The following SH3GL2 variants were observed in gnomAD, a reference collection of about 807,000 sequenced individuals.
The protein encoded by SH3GL2 is SH3 domain containing GRB2 like 2, endophilin A1, also known as endophilin-A1.
SH3GL2 carries 24 observed loss-of-function variants against 46.0 expected under a neutral mutation model. The ratio of observed to expected loss-of-function variants is 0.52; its 90% confidence interval spans 0.38 to 0.73. SH3GL2 has a LOEUF of 0.73. Ranked by LOEUF, SH3GL2 falls within the 30% of genes least tolerant of loss-of-function variation. SH3GL2 has a pLI of 0.00. For missense variants in SH3GL2, 413 were observed against 424.2 expected (o/e 0.97, Z 0.23); for synonymous variants, 196 against 147.1 (o/e 1.33, Z -2.40).
At chr9:17,729,089 G>A (rs1489606764) in intron 1 of SH3GL2, among the ~76,000 whole-genome samples, 2 of 152,178 alleles carry the variant, frequency 1.3e-5, no homozygotes, top group African/African-American at 2.4e-5. Context: ...AACTAACAGT[G>A]TAAAAGTGTT....
intron 1 of SH3GL2, among the ~76,000 whole-genome samples, chr9:17,653,087 C>T (rs1180440316): frequency 2.0e-5 from 3 of 152,242 alleles, no homozygotes; most frequent in South Asian, 2.1e-4. Context: ...TCATGGTTTT[C>T]TCAAAAATCC....
At chr9:17,794,098 A>G (rs1290742489) in intron 8 of SH3GL2, among the ~76,000 whole-genome samples, 1 of 152,222 alleles carries the variant, frequency 6.6e-6, no homozygotes, top group African/African-American at 2.4e-5. Context: ...TGGGGTTGAT[A>G]TAATAAAAGC....
chr9:17,666,026 C>A (rs1437614367), intron 1 of SH3GL2, among the ~76,000 whole-genome samples: 2 of 151,078 alleles, frequency 1.3e-5, no homozygotes, highest in Admixed American at 6.6e-5. Context: ...CTTTATTATT[C>A]TTAATATACC....
chr9:17,706,659 G>A (rs1464837930), intron 1 of SH3GL2, among the ~76,000 whole-genome samples: 2 of 151,946 alleles, frequency 1.3e-5, no homozygotes, highest in East Asian at 1.9e-4. Flanking sequence ...ATGTAAATGG[G>A]CATTTTGGTT....
intron 1 of SH3GL2, among the ~76,000 whole-genome samples, chr9:17,621,450 A>G (rs1819136775): frequency 6.6e-6 from 1 of 152,208 alleles, no homozygotes; most frequent in Non-Finnish European, 1.5e-5. Context: ...TGCTTTTTGT[A>G]ACATATCCCA....
At chr9:17,668,213 T>G (rs1298133925) in intron 1 of SH3GL2, among the ~76,000 whole-genome samples, 2 of 152,262 alleles carry the variant, frequency 1.3e-5, no homozygotes, top group African/African-American at 4.8e-5. Flanking sequence ...TTACAAAGAC[T>G]AATGACGATG....
rs929866320 is a variant in SH3GL2 at position 17,795,949 on chromosome 9, G to T, written c.*206G>T. 1.5e-4 allele frequency: 86 copies of T among 560,524 alleles called. No homozygotes were observed. The highest frequency in any genetic ancestry group is 9.3e-4 in the Middle Eastern group (2 of 2,144). The allele number at this position is 560,524 out of a possible 1,614,324, so 34.7% of individuals were successfully genotyped here. On this transcript the variant is annotated 3_prime_UTR_variant, in exon 9 of 9. Coordinates refer to ENST00000380607, the MANE Select transcript of SH3GL2 (RefSeq NM_003026.5). ...CCTCTTAGCCTGGTGGGCGTGGCAT[G>T]TGCTTTTTAAAACATCATCTGAGAC...
intron 1 of SH3GL2, among the ~76,000 whole-genome samples, chr9:17,690,378 A>C (rs796628872): frequency 6.6e-6 from 1 of 152,078 alleles, no homozygotes; most frequent in Non-Finnish European, 1.5e-5. Flanking sequence ...CCTATCCACT[A>C]TCTGAACTTC....
chr9:17,707,496 G>A (rs1821501279), intron 1 of SH3GL2, among the ~76,000 whole-genome samples: 1 of 151,990 alleles, frequency 6.6e-6, no homozygotes, highest in Non-Finnish European at 1.5e-5. Flanking sequence ...AGCATTCTCT[G>A]TGATCTACCT....
intron 1 of SH3GL2, among the ~76,000 whole-genome samples, chr9:17,719,970 T>TA (rs200958261): frequency 1.4e-5 from 2 of 142,348 alleles, no homozygotes; most frequent in East Asian, 2.0e-4. Flanking sequence ...GTTTACTAAT[T>TA]AAAAAAAACC....
At chr9:17,641,846 G>C (rs1362934460) in intron 1 of SH3GL2, among the ~76,000 whole-genome samples, 1 of 152,092 alleles carries the variant, frequency 6.6e-6, no homozygotes, top group Non-Finnish European at 1.5e-5. Flanking sequence ...ATCACTGATG[G>C]GCATTTGGGT....
chr9:17,684,649 C>CAGTCAG (rs1202324243), intron 1 of SH3GL2, among the ~76,000 whole-genome samples: 168 of 152,166 alleles, frequency 1.1e-3, no homozygotes, highest in African/African-American at 3.8e-3. Flanking sequence ...CCCTGCAACA[C>CAGTCAG]ACATACAGTC....
At chr9:17,626,238 A>G (rs537953826) in intron 1 of SH3GL2, among the ~76,000 whole-genome samples, 1 of 152,284 alleles carries the variant, frequency 6.6e-6, no homozygotes, top group South Asian at 2.1e-4. Context: ...CCATATGTCA[A>G]GGGGATATGA....
chr9:17,791,245 C>G lies in SH3GL2; in HGVS notation c.639C>G (p.Ser213Arg). 1 of 1,612,862 alleles carries G rather than the reference C, an allele frequency of 6.2e-7. No individual in the cohort carries two copies. Among genetic ancestry groups the G allele is most frequent in the Non-Finnish European group, 8.5e-7 (1 of 1,178,932 alleles). ...NLLEMDIEQV[S>R]QLSALVQAQL... is the part of the protein sequence containing the mutation. ...TCAATCTGCAGATTGAACAAGTGAG[C>G]CAGCTCTCTGCACTTGTGCAAGCTC... is the stretch of plus-strand genomic sequence containing the variant. Residue 213 changes from serine (S) to arginine (R), a missense_variant, in exon 7 of 9, where the codon AGC (serine) becomes AGG (arginine). This residue lies in a region of SH3GL2 where 248 missense variants were observed against 215.0 expected (regional missense o/e 1.15). Coordinates refer to ENST00000380607, the MANE Select transcript of SH3GL2 (RefSeq NM_003026.5).
intron 1 of SH3GL2, among the ~76,000 whole-genome samples, chr9:17,737,250 T>C (rs1298606672): frequency 6.6e-6 from 1 of 151,968 alleles, no homozygotes; most frequent in Non-Finnish European, 1.5e-5. Flanking sequence ...ATACCTAATG[T>C]AGATGACAGG....
At chr9:17,652,052 T>C (rs2134667501) in intron 1 of SH3GL2, among the ~76,000 whole-genome samples, 1 of 152,294 alleles carries the variant, frequency 6.6e-6, no homozygotes, top group Admixed American at 6.5e-5. Context: ...CTGGATTTTT[T>C]TTAGTTCATT....
chr9:17,670,349 G>C (rs532435612), intron 1 of SH3GL2, among the ~76,000 whole-genome samples: 23 of 152,320 alleles, frequency 1.5e-4, no homozygotes, highest in African/African-American at 5.5e-4. Flanking sequence ...TAGAAGGGAA[G>C]TTCTGCGAAG....
rs572404804 is a variant in SH3GL2, at chr9:17,769,518, C to A, written c.187+8009C>A. 2.6e-5 allele frequency among the ~76,000 whole-genome samples: 4 copies of A among 152,038 alleles called. No individual in the cohort carries two copies. The East Asian group carries it at 5.8e-4, about 22-fold the overall frequency. On this transcript the variant is annotated intron_variant, in intron 3 of 8. Coordinates refer to ENST00000380607, the MANE Select transcript of SH3GL2 (RefSeq NM_003026.5). ...ACTGAGAATTATCCTCAGACTTGTT[C>A]CTGCCTCGGGGTCTTTGCACAGGTG... is the stretch of plus-strand genomic sequence containing the variant.
chr9:17,698,265 C>G (rs1821258081), intron 1 of SH3GL2, among the ~76,000 whole-genome samples: 1 of 152,170 alleles, frequency 6.6e-6, no homozygotes, highest in South Asian at 2.1e-4. Flanking sequence ...AACAAGGCAC[C>G]TTCTGCCTCT....
Sources: gnomAD v4.1 joint callset for allele counts (sites outside exome capture counted in the v4.1 genomes callset) on GRCh38, gnomAD v4.1.1 for gene constraint, gnomAD v4.1.1 regional missense constraint, MANE v1.5 for transcripts, NCBI Gene and HGNC (gene_info 2026-07-23, HGNC 2026-07-21) for gene names.